The following ERBB4 variants were observed in gnomAD, a reference collection of about 807,000 sequenced individuals.
The protein encoded by ERBB4 is erb-b2 receptor tyrosine kinase 4.
Under a neutral mutation model 158.0 loss-of-function variants are expected in ERBB4, and 42 were observed. The ratio of observed to expected loss-of-function variants is 0.27; its 90% CI spans 0.21 to 0.34. The LOEUF is 0.34. ERBB4 is among the 10% of genes least tolerant of loss of function. The pLI is 1.00. For missense variants in ERBB4, 1,333 were observed against 1,624.1 expected, an observed-to-expected ratio of 0.82 and a Z score of 3.08; for synonymous variants, 583 against 558.7, an observed-to-expected ratio of 1.04 and a Z score of -0.61.
chr2:212,311,057 T>C (rs1197671329), intron 1 of ERBB4, among the ~76,000 whole-genome samples: 2 of 150,852 alleles, frequency 1.3e-5, no homozygotes, highest in African/African-American at 2.4e-5. Flanking sequence ...CTAGAACAGA[T>C]GTTGACAGTA....
chr2:211,931,959 C>T (rs2080189589), intron 3 of ERBB4, among the ~76,000 whole-genome samples: 1 of 152,080 alleles, frequency 6.6e-6, no homozygotes, highest in South Asian at 2.1e-4. Context: ...ATTTCATTCC[C>T]ATTTTCAGAT....
chr2:211,518,520 G>A lies in ERBB4; in HGVS notation c.2487+43383C>T, dbSNP rs1364351392. On this transcript the variant is annotated intron_variant, in intron 20 of 27. Coordinates refer to ENST00000342788, the MANE Select transcript of ERBB4 (RefSeq NM_005235.3). ...AATACCAAAATTAGCCAGGGGTGGT[G>A]GTGCACACCTGTAATCCTGGCTACT... Among the ~76,000 whole-genome samples the A allele has an allele frequency of 2.6e-5, 4 of 152,096 alleles. 1 individual carries two copies. In the East Asian group the frequency reaches 5.8e-4, roughly 22 times the overall value.
chr2:211,395,394 A>G (rs1020467164), intron 25 of ERBB4, among the ~76,000 whole-genome samples: 12 of 152,254 alleles, frequency 7.9e-5, no homozygotes, highest in Admixed American at 7.8e-4. Context: ...AGATTCCCTG[A>G]GTTCCCATCC....
At chr2:212,440,270 A>G (rs564287434) in intron 1 of ERBB4, among the ~76,000 whole-genome samples, 14 of 152,318 alleles carry the variant, frequency 9.2e-5, no homozygotes, top group African/African-American at 3.4e-4. Context: ...TCTGGTGGGA[A>G]CAATCTAATC....
chr2:211,913,280 G>A (rs1372619514), intron 3 of ERBB4, among the ~76,000 whole-genome samples: 1 of 152,082 alleles, frequency 6.6e-6, no homozygotes, highest in Non-Finnish European at 1.5e-5. Context: ...GCCTTTTGAG[G>A]ACAATTTGTA....
At chr2:212,280,907 T>C (rs976753028) in intron 1 of ERBB4, among the ~76,000 whole-genome samples, 1 of 151,688 alleles carries the variant, frequency 6.6e-6, no homozygotes. Context: ...GGCTTTCTCA[T>C]GATCAGAAGA....
rs543279276 is a variant in ERBB4, at chr2:212,341,991, G to A, written c.82+196458C>T. Among the ~76,000 whole-genome samples, 67 of 152,252 alleles carry A rather than the reference G, an allele frequency of 4.4e-4. No homozygotes were observed. In the South Asian group the frequency reaches 7.9e-3, roughly 18 times the overall value. On this transcript the variant is annotated intron_variant, in intron 1 of 27. Transcript: ENST00000342788. ...AGTGGCTTGAGGGCTGGACATGGTG[G>A]TTCAGACCTGTAATCCCAACACGTT...
At chr2:211,745,968 G>T (rs1307590080) in intron 5 of ERBB4, among the ~76,000 whole-genome samples, 1 of 152,190 alleles carries the variant, frequency 6.6e-6, no homozygotes, top group East Asian at 1.9e-4. Flanking sequence ...GGTATTAGCT[G>T]TGTAAATTTA....
chr2:211,396,320 T>C (rs2062915971), intron 25 of ERBB4, among the ~76,000 whole-genome samples: 2 of 152,160 alleles, frequency 1.3e-5, no homozygotes. Context: ...GCAGCTTTTG[T>C]TTTGTTTTTC....
At position 212,299,451 on chromosome 2, in the gene ERBB4, A is replaced by G. The variant is rs530082155; in HGVS notation, c.83-174548T>C. Among the ~76,000 whole-genome samples, 127 of 151,762 alleles carry G rather than the reference A, an allele frequency of 8.4e-4. 2 individuals are homozygous for G. In the South Asian group the frequency reaches 0.021, roughly 25 times the overall value. On this transcript the variant is annotated intron_variant, in intron 1 of 27. Transcript: ENST00000342788. ...TATGTAAAGTACTCATTGTTTTAGA[A>G]ACCATATAAAAAGGCATACATTCTC...
intron 20 of ERBB4, among the ~76,000 whole-genome samples, chr2:211,512,759 G>A (rs755957580): frequency 3.7e-4 from 56 of 152,120 alleles, no homozygotes; most frequent in Admixed American, 4.6e-4. Context: ...ATCCCAGCAG[G>A]TCTCCCACTG....
intron 22 of ERBB4, among the ~76,000 whole-genome samples, chr2:211,425,805 C>T (rs931633256): frequency 7.9e-5 from 12 of 152,044 alleles, no homozygotes; most frequent in Non-Finnish European, 1.8e-4. Flanking sequence ...ACCTCAGCTT[C>T]CTGAGTAGCT....
chr2:212,174,877 C>G (rs1477177890), intron 1 of ERBB4, among the ~76,000 whole-genome samples: 1 of 151,984 alleles, frequency 6.6e-6, no homozygotes, highest in African/African-American at 2.4e-5. Context: ...GCATTGCATA[C>G]ACAATTTTAT....
rs746834959 is a variant in ERBB4 at position 212,307,855 on chromosome 2, T to G, written c.83-182952A>C. Among the ~76,000 whole-genome samples, 3 of 150,948 alleles carry G rather than the reference T, an allele frequency of 2.0e-5. No individual in the cohort carries two copies. In the East Asian group the frequency reaches 5.9e-4, roughly 29 times the overall value. On this transcript the variant is annotated intron_variant, in intron 1 of 27. Coordinates refer to ENST00000342788, the MANE Select transcript of ERBB4 (RefSeq NM_005235.3). ...TTGCCCCAGAACAGGCCACCACACTTTATTTCAAAGAGTTCTCTAGGAGCA... is the reference window on the plus strand; with the variant it reads ...TTGCCCCAGAACAGGCCACCACACTGTATTTCAAAGAGTTCTCTAGGAGCA...
intron 3 of ERBB4, among the ~76,000 whole-genome samples, chr2:211,892,600 G>T (rs2078997180): frequency 6.9e-6 from 1 of 145,178 alleles, no homozygotes; most frequent in African/African-American, 2.7e-5. Context: ...TTCAAAATTA[G>T]GAAAAGAGGA....
intron 20 of ERBB4, among the ~76,000 whole-genome samples, chr2:211,467,902 G>C (rs2125518742): frequency 6.6e-6 from 1 of 152,270 alleles, no homozygotes; most frequent in South Asian, 2.1e-4. Context: ...GGGCCAATCT[G>C]ACTTTTACCT....
At chr2:211,724,874 TAC>T (rs1293045003) in intron 6 of ERBB4, among the ~76,000 whole-genome samples, 200 bp downstream of exon 6, 4 of 152,312 alleles carry the variant, frequency 2.6e-5, no homozygotes, top group Admixed American at 2.0e-4. Flanking sequence ...ATCAGAAATA[TAC>T]AATTCATTTA....
At chr2:211,686,853 T>C (rs987492390) in intron 12 of ERBB4, among the ~76,000 whole-genome samples, 1 of 152,134 alleles carries the variant, frequency 6.6e-6, no homozygotes. Flanking sequence ...TGGCCTTTAG[T>C]TTTATTTCTT....
chr2:211,444,771 T>C (rs1275542225), intron 20 of ERBB4, among the ~76,000 whole-genome samples: 2 of 152,106 alleles, frequency 1.3e-5, no homozygotes, highest in African/African-American at 4.8e-5. Context: ...TTGTTTTACA[T>C]ATAATGATAT....
Sources: gnomAD v4.1 joint callset for allele counts (sites outside exome capture counted in the v4.1 genomes callset) on GRCh38, gnomAD v4.1.1 for gene constraint, MANE v1.5 for transcripts, NCBI Gene and HGNC (gene_info 2026-07-23, HGNC 2026-07-21) for gene names.